MID1: variants seen among roughly 807,000 people sequenced by gnomAD.
MID1 encodes the protein E3 ubiquitin-protein ligase Midline-1.
In MID1, 7 loss-of-function variants were observed where a neutral mutation model predicts 40.4. That is an observed-to-expected ratio of 0.17 (90% CI 0.10 to 0.33). MID1 has a LOEUF of 0.33. Ranked by LOEUF, MID1 falls within the 10% of genes least tolerant of loss-of-function variation. The pLI is 1.00. For missense variants in MID1, 367 were observed against 558.5 expected (o/e 0.66, Z 3.46); for synonymous variants, 229 against 221.2 (o/e 1.04, Z -0.31).
chrX:10,563,848 G>T lies in MID1; in HGVS notation c.660+3040C>A, dbSNP rs5979325. ...TCTTTTTCTTTTACACTTAGAAAAA[G>T]ATTGTAATGTACAAAATGATATTCT... On this transcript the variant is annotated intron_variant, in intron 2 of 9. Transcript: ENST00000317552. Among the ~76,000 whole-genome samples the T allele has an allele frequency of 2.8e-3, 311 of 112,117 alleles. 1 individual carries two copies. The highest frequency in any genetic ancestry group is 7.6e-3 in the Admixed American group (80 of 10,586).
At chrX:10,457,310 A>G (rs1928741105) in intron 8 of MID1, among the ~76,000 whole-genome samples, 1 of 111,333 alleles carries the variant, frequency 9.0e-6, no homozygotes, top group Admixed American at 9.5e-5. Flanking sequence ...TCACCCACGC[A>G]TGTGTGGAGC....
rs1276260281 is a variant in MID1, at chrX:10,488,278, CCA to C, written c.865-5652_865-5651del. On this transcript the variant is annotated intron_variant, in intron 4 of 9. Transcript: ENST00000317552. ...GGATTACAGGTGTGAGCCACCGTGA[CCA>C]GTCTCACCTACAAGTTTTGTATGGA... Among the ~76,000 whole-genome samples the C allele has an allele frequency of 2.7e-5, 3 of 111,515 alleles. No individual in the cohort carries two copies. In the Admixed American group the frequency reaches 2.8e-4, roughly 11 times the overall value.
intron 1 of MID1, among the ~76,000 whole-genome samples, chrX:10,651,952 T>C (rs1191155384): frequency 9.0e-6 from 1 of 111,690 alleles, no homozygotes; most frequent in East Asian, 2.8e-4. Context: ...TAAGCTCCAA[T>C]TGCTTTACAG....
chrX:10,481,973 G>A (rs1386836745), intron 5 of MID1, among the ~76,000 whole-genome samples: 1 of 111,798 alleles, frequency 8.9e-6, no homozygotes, highest in Non-Finnish European at 1.9e-5. Context: ...TCTCTCCTGC[G>A]TGAGTTGGCC....
In MID1 at chrX:10,544,031, G is replaced by A. The variant is rs146103878; in HGVS notation, c.661-20844C>T. ...AAAAATACAAACAAACAAACAAAAT[G>A]TACTCAGGCTGTTTCCCAGGGTTAC... On this transcript the variant is annotated intron_variant, in intron 2 of 9. Coordinates refer to ENST00000317552, the MANE Select transcript of MID1 (RefSeq NM_000381.4). Among the ~76,000 whole-genome samples the A allele has an allele frequency of 3.8e-3, 427 of 110,965 alleles. 3 individuals carry two copies. The highest frequency in any genetic ancestry group is 0.014 in the African/African-American group (419 of 30,506).
Position 10,669,936 on chromosome X carries a change from T to C in MID1, c.-186-49517A>G, listed in dbSNP as rs752288938. Among the ~76,000 whole-genome samples the C allele has an allele frequency of 1.5e-4, 17 of 111,720 alleles. No individual in the cohort carries two copies. The South Asian group carries it at 4.9e-3, about 32-fold the overall frequency. The stretch of plus-strand genomic sequence containing the variant: ...TAGTTTGCTGTTCCAAATGAAGAAA[T>C]ATGGAGTCCTTCCTCAGTGGCTTTG... On this transcript the variant is annotated intron_variant, in intron 1 of 10. Transcript: ENST00000380785.
intron 1 of MID1, among the ~76,000 whole-genome samples, chrX:10,819,163 CTCTT>C (rs2044157730): frequency 1.8e-5 from 2 of 111,372 alleles, no homozygotes; most frequent in African/African-American, 6.5e-5. Flanking sequence ...CCCTCCCTCC[CTCTT>C]TCTGTGTGTG....
intron 1 of MID1, among the ~76,000 whole-genome samples, chrX:10,629,142 C>T (rs1277531431): frequency 1.8e-5 from 2 of 111,638 alleles, no homozygotes; most frequent in African/African-American, 6.5e-5. Flanking sequence ...TCTCATGTTG[C>T]ACCTTCAAGA....
Position 10,805,092 on chromosome X carries a change from T to A in MID1, c.-187+28462A>T, listed in dbSNP as rs778155364. 1.2e-4 allele frequency among the ~76,000 whole-genome samples: 13 copies of A among 110,380 alleles called. No homozygotes were observed. The East Asian group carries it at 3.4e-3, about 29-fold the overall frequency. On this transcript the variant is annotated intron_variant, in intron 1 of 10. Coordinates refer to the MID1 transcript ENST00000380785. The stretch of plus-strand genomic sequence containing the variant: ...TAATTTTATTATTATTATTATACTT[T>A]AAGTTTTAGGGTACATGTGCACAAT...
intron 3 of MID1, among the ~76,000 whole-genome samples, chrX:10,497,305 C>T (rs1252158530): frequency 8.9e-6 from 1 of 112,095 alleles, no homozygotes; most frequent in African/African-American, 3.2e-5. Context: ...TTTGCTCGAC[C>T]AAACTTTAGT....
chrX:10,461,036 T>G (rs1928993874), intron 7 of MID1, among the ~76,000 whole-genome samples: 1 of 108,693 alleles, frequency 9.2e-6, no homozygotes, highest in South Asian at 4.0e-4. Context: ...CCTTATATGA[T>G]TTCCATCTTG....
intron 2 of MID1, among the ~76,000 whole-genome samples, chrX:10,564,089 C>T (rs1462887191): frequency 8.9e-6 from 1 of 112,112 alleles, no homozygotes; most frequent in East Asian, 2.8e-4. Flanking sequence ...ATTGTCTTAT[C>T]AATGAAAGCA....
intron 1 of MID1, among the ~76,000 whole-genome samples, chrX:10,703,436 C>T (rs144643106): frequency 0.094 from 10,462 of 111,547 alleles, 774 homozygotes; most frequent in African/African-American, 0.25. Flanking sequence ...GAGGCTGAGG[C>T]GGGAGGACCA....
At chrX:10,750,145 A>G (rs1161577037) in intron 1 of MID1, among the ~76,000 whole-genome samples, 1 of 111,096 alleles carries the variant, frequency 9.0e-6, no homozygotes, top group African/African-American at 3.3e-5. Flanking sequence ...CACCTGGGTG[A>G]TTTTCCTGTA....
intron 1 of MID1, among the ~76,000 whole-genome samples, chrX:10,655,766 T>C (rs996416342): frequency 9.0e-6 from 1 of 110,650 alleles, no homozygotes; most frequent in African/African-American, 3.3e-5. Flanking sequence ...CATTAATATA[T>C]AAAGTGGGCC....
intron 1 of MID1, among the ~76,000 whole-genome samples, chrX:10,793,698 C>T (rs754326877): frequency 8.9e-6 from 1 of 111,992 alleles, no homozygotes; most frequent in Admixed American, 9.5e-5. Flanking sequence ...CCATATCTTG[C>T]CCTTGCCCTT....
At chrX:10,715,985 C>A (rs1372667098) in intron 1 of MID1, among the ~76,000 whole-genome samples, 2 of 112,129 alleles carry the variant, frequency 1.8e-5, no homozygotes, top group Non-Finnish European at 3.8e-5. Context: ...GCTGAGGGTC[C>A]TGTCTGTTAG....
intron 9 of MID1, 102 bp from the exon 10 acceptor site, chrX:10,449,818 G>T: frequency 1.6e-6 from 1 of 622,392 alleles, no homozygotes; most frequent in Non-Finnish European, 2.7e-6. Context: ...ATGATCATTT[G>T]TTGTCCCTGT....
chrX:10,698,103 A>G (rs777572760), intron 1 of MID1, among the ~76,000 whole-genome samples: 3 of 112,353 alleles, frequency 2.7e-5, no homozygotes, highest in Admixed American at 1.9e-4. Flanking sequence ...AAATATTTCT[A>G]GTAAGTTGAA....
Sources: gnomAD v4.1 joint callset for allele counts (sites outside exome capture counted in the v4.1 genomes callset) on GRCh38, gnomAD v4.1.1 for gene constraint, MANE v1.5 for transcripts, NCBI Gene and HGNC (gene_info 2026-07-23, HGNC 2026-07-21) for gene names.